PLXNC1: variants seen among roughly 807,000 people sequenced by gnomAD.
The protein encoded by PLXNC1 is plexin-C1.
A neutral mutation model predicts 178.2 loss-of-function variants in PLXNC1; 75 were observed. The ratio of observed to expected loss-of-function variants is 0.42; its 90% CI spans 0.35 to 0.51. The LOEUF (loss-of-function observed/expected upper bound fraction) is 0.51, where lower values mean the gene tolerates loss of function less well. PLXNC1 is among the 20% of genes least tolerant of loss of function. The pLI is 0.02. For synonymous variants in PLXNC1, 790 were observed against 779.9 expected, an observed-to-expected ratio of 1.01 and a Z score of -0.22; for missense variants, 1,503 against 1,984.4, an observed-to-expected ratio of 0.76 and a Z score of 4.61.
chr12:94,303,177 C>CA (rs1968642792), intron 28 of PLXNC1, among the ~76,000 whole-genome samples: 3 of 152,176 alleles, frequency 2.0e-5, no homozygotes, highest in South Asian at 2.1e-4. Flanking sequence ...AGAACCTCTG[C>CA]AAAATCACAC....
At chr12:94,184,198 C>T (rs1962428047) in intron 3 of PLXNC1, among the ~76,000 whole-genome samples, 1 of 151,772 alleles carries the variant, frequency 6.6e-6, no homozygotes, top group South Asian at 2.1e-4. Context: ...CTCACTGCAA[C>T]CTCCGCCTCC....
intron 28 of PLXNC1, among the ~76,000 whole-genome samples, chr12:94,301,827 C>T (rs1239705523): frequency 1.3e-5 from 2 of 152,184 alleles, no homozygotes; most frequent in Non-Finnish European, 1.5e-5. Flanking sequence ...TCTTCCCTAG[C>T]ATTGCCTAGT....
chr12:94,241,038 C>A lies in PLXNC1; in HGVS notation c.2300+374C>A, dbSNP rs111764626. ...TAGATACTTTAAGCTGTTTTGAATT[C>A]TTTGGGGGAAATATTGGGAGCTATC... On this transcript the variant is annotated intron_variant, in intron 11 of 30. Transcript: ENST00000258526. 1.5e-3 allele frequency among the ~76,000 whole-genome samples: 230 copies of A among 152,178 alleles called. 1 individual carries two copies. Among genetic ancestry groups the A allele is most frequent in the African/African-American group, 5.5e-3 (227 of 41,524 alleles).
At chr12:94,224,428 C>T (rs1963883777) in intron 7 of PLXNC1, 113 bp downstream of exon 7, 1 of 718,200 alleles carries the variant, frequency 1.4e-6, no homozygotes, top group Non-Finnish European at 2.5e-6. Context: ...TCCAAAATGC[C>T]TTTTGAAGCA....
intron 20 of PLXNC1, chr12:94,262,660 T>A: frequency 3.0e-6 from 3 of 985,350 alleles, no homozygotes; most frequent in Non-Finnish European, 3.6e-6. Flanking sequence ...GGGTCTGATG[T>A]CCCTCCACCA....
rs185928364 is a variant in PLXNC1 at position 94,162,234 on chromosome 12, A to C, written c.1063-6919A>C. 2.5e-3 allele frequency among the ~76,000 whole-genome samples: 388 copies of C among 152,334 alleles called. 4 individuals are homozygous for C. Among genetic ancestry groups the C allele is most frequent in the African/African-American group, 8.9e-3 (368 of 41,572 alleles). On this transcript the variant is annotated intron_variant, in intron 1 of 30. Transcript: ENST00000258526. Reference sequence around the variant, plus strand: ...TCAACTTGAAACCTGACAGATTGAAAAGAGCCAGCCTACAAGGGAGTGAAG... The same window carrying C: ...TCAACTTGAAACCTGACAGATTGAACAGAGCCAGCCTACAAGGGAGTGAAG...
Position 94,167,376 on chromosome 12 carries a change from T to C in PLXNC1, c.1063-1777T>C, listed in dbSNP as rs76824473. ...GTGTTGTGAGATGAAGGGAATGGAG[T>C]CCTCTAGCCAGAGATAGTGGTATTA... On this transcript the variant is annotated intron_variant, in intron 1 of 30. Transcript: ENST00000258526. Among the ~76,000 whole-genome samples, 147 of 152,204 alleles carry C rather than the reference T, an allele frequency of 9.7e-4. No individual in the cohort carries two copies. In the East Asian group the frequency reaches 0.017, roughly 17 times the overall value.
At chr12:94,272,071 G>A (rs1300294050) in intron 21 of PLXNC1, 5 of 152,170 alleles carry the variant, frequency 3.3e-5, no homozygotes, top group Admixed American at 2.6e-4. Flanking sequence ...AAGGGGCCAG[G>A]CCTTTCCAGC....
chr12:94,287,701 A>C (rs535424012), intron 23 of PLXNC1, among the ~76,000 whole-genome samples: 1 of 152,348 alleles, frequency 6.6e-6, no homozygotes, highest in African/African-American at 2.4e-5. Flanking sequence ...GAATGCCCCA[A>C]AGGGTCTGTT....
chr12:94,282,251 G>A, intron 22 of PLXNC1, 47 bp from the exon 23 acceptor site: 5 of 1,281,258 alleles, frequency 3.9e-6, no homozygotes, highest in Non-Finnish European at 5.6e-6. Context: ...AAGTAAAGTG[G>A]TGGCATTTTA....
At chr12:94,163,386 A>T (rs1961465852) in intron 1 of PLXNC1, among the ~76,000 whole-genome samples, 1 of 152,266 alleles carries the variant, frequency 6.6e-6, no homozygotes, top group East Asian at 1.9e-4. Flanking sequence ...AAAAGAATCT[A>T]GGAAAATGCA....
rs139795098 is a variant in PLXNC1, at chr12:94,227,502, G to A, written c.1980+267G>A. The A allele has an allele frequency of 1.5e-3, 444 of 300,430 alleles. 4 individuals are homozygous for A. The highest frequency in any genetic ancestry group is 7.7e-3 in the African/African-American group (356 of 46,428). 18.6% of individuals were successfully genotyped at this position (300,430 alleles called of 1,614,324 possible). A position where few individuals can be genotyped will look rare whatever the true frequency, so the allele number is the denominator to read the frequency against. On this transcript the variant is annotated intron_variant, in intron 9 of 30. Transcript: ENST00000258526. ...AATAAAATTGTAAAGGTGACTTTGC[G>A]GCTCACTGGTGAAGAGCTGGAAGGA...
Position 94,268,680 on chromosome 12 carries a change from C to T in PLXNC1, c.3597+3455C>T, listed in dbSNP as rs144502749. Among the ~76,000 whole-genome samples, 325 of 149,108 alleles carry T rather than the reference C, an allele frequency of 2.2e-3. 3 individuals carry two copies. The highest frequency in any genetic ancestry group is 7.9e-3 in the African/African-American group (317 of 40,276). On this transcript the variant is annotated intron_variant, in intron 21 of 30. Coordinates refer to ENST00000258526, the MANE Select transcript of PLXNC1 (RefSeq NM_005761.3). ...CGCAGTCTTGGCTCACTGCAACCTCCGCCTCTGGGGTTCAAGCGATTCTCC... is the reference window on the plus strand; with the variant it reads ...CGCAGTCTTGGCTCACTGCAACCTCTGCCTCTGGGGTTCAAGCGATTCTCC...
chr12:94,279,700 C>T, intron 22 of PLXNC1, 51 bp downstream of exon 22: 1 of 1,498,418 alleles, frequency 6.7e-7, no homozygotes, highest in Non-Finnish European at 9.3e-7. Flanking sequence ...AGTGTCCCTC[C>T]CTGCCTGCCC....
At chr12:94,198,813 A>G (rs778170752) in intron 4 of PLXNC1, among the ~76,000 whole-genome samples, 7 of 152,136 alleles carry the variant, frequency 4.6e-5, no homozygotes, top group African/African-American at 1.2e-4. Context: ...CCTTTCTCCT[A>G]GAAAATTCCC....
At chr12:94,194,235 T>G (rs561131875) in intron 4 of PLXNC1, among the ~76,000 whole-genome samples, 42 of 152,284 alleles carry the variant, frequency 2.8e-4, no homozygotes, top group Non-Finnish European at 4.9e-4. Flanking sequence ...AAACCATTCA[T>G]GAAGGACCCA....
intron 16 of PLXNC1, 24 bp from the exon 17 acceptor site, chr12:94,255,169 T>A (rs2291326): frequency 4.5e-6 from 7 of 1,553,952 alleles, no homozygotes; most frequent in Non-Finnish European, 5.3e-6. Flanking sequence ...GTTAAAATAT[T>A]GCTCTTGGGA....
intron 12 of PLXNC1, among the ~76,000 whole-genome samples, chr12:94,245,058 A>G (rs1026595856): frequency 6.6e-6 from 1 of 152,198 alleles, no homozygotes; most frequent in Non-Finnish European, 1.5e-5. Flanking sequence ...GGGCCGCCTG[A>G]TAGGCCGTCC....
chr12:94,150,896 C>T (rs1022698537), intron 1 of PLXNC1: 2 of 152,254 alleles, frequency 1.3e-5, no homozygotes, highest in Admixed American at 6.5e-5. Flanking sequence ...CCCTGGGCTC[C>T]CAGGGCAGCC....
Sources: gnomAD v4.1 joint callset for allele counts (sites outside exome capture counted in the v4.1 genomes callset) on GRCh38, gnomAD v4.1.1 for gene constraint, MANE v1.5 for transcripts, NCBI Gene and HGNC (gene_info 2026-07-23, HGNC 2026-07-21) for gene names.